RFX2: variants seen among roughly 807,000 people sequenced by gnomAD.
RFX2 encodes DNA-binding protein RFX2.
Under a neutral mutation model 87.8 loss-of-function variants are expected in RFX2, and 20 were observed. The ratio of observed to expected loss-of-function variants is 0.23; its 90% CI spans 0.16 to 0.33. The LOEUF is 0.33. RFX2 is among the 10% of genes least tolerant of loss of function. RFX2 has a pLI of 1.00. For synonymous variants in RFX2, 397 were observed against 431.3 expected (o/e 0.92, Z 0.98); for missense variants, 767 against 1,012.3 (o/e 0.76, Z 3.29).
chr19:6,098,965 CAAAAAAAAAAAAAAAAA>C (rs34110529), intron 1 of RFX2, among the ~76,000 whole-genome samples: 12 of 52,800 alleles, frequency 2.3e-4, no homozygotes, highest in African/African-American at 5.2e-4. Context: ...GCTTGAACCA[CAAAAAAAAAAAAAAAAA>C]AAAAAAAAAA....
chr19:6,041,855 C>T (rs1014994877), intron 4 of RFX2, among the ~76,000 whole-genome samples, 189 bp downstream of exon 4: 2 of 152,116 alleles, frequency 1.3e-5, no homozygotes, highest in Non-Finnish European at 2.9e-5. Flanking sequence ...AGGCACTTGT[C>T]ACCATGTCTG....
rs58546514 is a variant in RFX2 at position 6,012,771 on chromosome 19, A to T, written c.899+215T>A. Among the ~76,000 whole-genome samples the T allele has an allele frequency of 0.036, 5,506 of 152,232 alleles. 245 individuals carry two copies. The highest frequency in any genetic ancestry group is 0.11 in the African/African-American group (4,393 of 41,496). ...GTTAAAAACAGTTTTAAACGGTTTT[A>T]AAAAAAGTCTGAAAAGTTAGCTGGA... On this transcript the variant is annotated intron_variant, in intron 8 of 17. Transcript: ENST00000303657. This position sits in a 1 kb window ranked among gnomAD's most constrained non-coding sequence, Gnocchi z 4.6.
At chr19:6,032,183 G>A (rs1001591777) in intron 5 of RFX2, among the ~76,000 whole-genome samples, 1 of 151,972 alleles carries the variant, frequency 6.6e-6, no homozygotes, top group Non-Finnish European at 1.5e-5. Flanking sequence ...GTGCAGTGGC[G>A]CGATCTCGGC....
chr19:6,051,062 C>T (rs1022513573), intron 1 of RFX2, among the ~76,000 whole-genome samples: 1 of 152,058 alleles, frequency 6.6e-6, no homozygotes, highest in African/African-American at 2.4e-5. Flanking sequence ...TTCTTAAAAA[C>T]TGAAGGTGGA....
Position 6,020,356 on chromosome 19 carries a change from T to C in RFX2, c.598-4085A>G, listed in dbSNP as rs1345670505. On this transcript the variant is annotated intron_variant, in intron 6 of 17. Coordinates refer to ENST00000303657, the MANE Select transcript of RFX2 (RefSeq NM_000635.4). The surrounding 1 kb of genome is among the most constrained non-coding windows in gnomAD (Gnocchi z 5.3). ...TTGACACTAAAAGGATGCATAGTTG[T>C]CTTGACAGCAAGTCCTTCTTGCTCA... is the stretch of plus-strand genomic sequence containing the variant. 1 of 152,236 alleles carries C rather than the reference T, an allele frequency of 6.6e-6. No individual in the cohort carries two copies. Among genetic ancestry groups the C allele is most frequent in the Non-Finnish European group, 1.5e-5 (1 of 68,044 alleles). The allele number at this position is 152,236 out of a possible 1,614,324, so 9.4% of individuals were successfully genotyped here. A position where few individuals can be genotyped will look rare whatever the true frequency, so the allele number is the denominator to read the frequency against.
chr19:6,100,364 G>C (rs937228767), intron 1 of RFX2, among the ~76,000 whole-genome samples: 1 of 152,192 alleles, frequency 6.6e-6, no homozygotes, highest in Non-Finnish European at 1.5e-5. Context: ...ATAGCTCAAA[G>C]AGACATGACA....
At position 6,002,955 on chromosome 19, in the gene RFX2, G is replaced by A; in HGVS notation, c.1501-85C>T. On this transcript the variant is annotated intron_variant, in intron 13 of 17. Transcript: ENST00000303657. The surrounding 1 kb of genome is among the most constrained non-coding windows in gnomAD (Gnocchi z 6.7). The stretch of plus-strand genomic sequence containing the variant: ...CCTTGCAGGGGTGTGTGGGCTCAGG[G>A]ACAACACAGGGAGGAGGGAGCAGGA... 6.9e-7 allele frequency: 1 copy of A among 1,459,636 alleles called. No individual in the cohort carries two copies. Among genetic ancestry groups the A allele is most frequent in the Non-Finnish European group, 9.2e-7 (1 of 1,083,410 alleles). 90.4% of individuals were successfully genotyped at this position (1,459,636 alleles called of 1,614,324 possible). A position where few individuals can be genotyped will look rare whatever the true frequency, so the allele number is the denominator to read the frequency against.
At position 6,013,518 on chromosome 19, in the gene RFX2, G is replaced by C. The variant is rs1459059216; in HGVS notation, c.780-413C>G. Among the ~76,000 whole-genome samples, 1 of 149,126 alleles carries C rather than the reference G, an allele frequency of 6.7e-6. No homozygotes were observed. Among genetic ancestry groups the C allele is most frequent in the Non-Finnish European group, 1.5e-5 (1 of 67,372 alleles). On this transcript the variant is annotated intron_variant, in intron 7 of 17. Transcript: ENST00000303657. This position sits in a 1 kb window ranked among gnomAD's most constrained non-coding sequence, Gnocchi z 4.1. ...TCTTTTTTTTTTTTTTCAGAAACAG[G>C]GTCTCACTCTGTCACCCAGGCTGGA...
intron 1 of RFX2, chr19:6,077,057 ACTC>A (rs2144849030): frequency 6.6e-6 from 1 of 152,194 alleles, no homozygotes; most frequent in African/African-American, 2.4e-5. Context: ...TACACACAGA[ACTC>A]CTCCTACCAC....
intron 1 of RFX2, among the ~76,000 whole-genome samples, chr19:6,088,211 C>CT (rs1030226963): frequency 0.064 from 5,402 of 84,166 alleles, 286 homozygotes; most frequent in African/African-American, 0.11. Context: ...GGCACTACAG[C>CT]TTTTTTTTTT....
chr19:6,043,868 C>T (rs2087147653), intron 3 of RFX2, among the ~76,000 whole-genome samples: 2 of 152,206 alleles, frequency 1.3e-5, no homozygotes, highest in South Asian at 4.1e-4. Flanking sequence ...CAGATGGTTC[C>T]TCCAGTCCAG....
At position 6,027,290 on chromosome 19, in the gene RFX2, T is replaced by A. The variant is rs2086902713; in HGVS notation, c.523-1053A>T. On this transcript the variant is annotated intron_variant, in intron 5 of 17. Transcript: ENST00000303657. This position sits in a 1 kb window ranked among gnomAD's most constrained non-coding sequence, Gnocchi z 5.0. The stretch of plus-strand genomic sequence containing the variant: ...CCGACCACGGTGGTTCTGCCTTCTC[T>A]CATTAGCTACCCTTGCTTCAAGCCA... The A allele has an allele frequency of 1.3e-5, 2 of 152,208 alleles. No homozygotes were observed. Among genetic ancestry groups the A allele is most frequent in the African/African-American group, 4.8e-5 (2 of 41,442 alleles). 9.4% of individuals were successfully genotyped at this position (152,208 alleles called of 1,614,324 possible).
At chr19:6,025,179 G>A (rs1048622150) in intron 6 of RFX2, among the ~76,000 whole-genome samples, 5 of 152,142 alleles carry the variant, frequency 3.3e-5, no homozygotes, top group Non-Finnish European at 7.4e-5. Flanking sequence ...AAGTGAAAGC[G>A]ATGAGTCTGA....
In RFX2 at chr19:6,039,782, G is replaced by A. The variant is rs2087077536; in HGVS notation, c.522+198C>T. ...CTCTTTATACCAATGGCCAACTGAAGTTCAAAGAACTCTGCAGGCCTGCCT... is the reference window on the plus strand; with the variant it reads ...CTCTTTATACCAATGGCCAACTGAAATTCAAAGAACTCTGCAGGCCTGCCT... On this transcript the variant is annotated intron_variant, in intron 5 of 17. Coordinates refer to ENST00000303657, the MANE Select transcript of RFX2 (RefSeq NM_000635.4). This position sits in a 1 kb window ranked among gnomAD's most constrained non-coding sequence, Gnocchi z 5.2. 1.3e-5 allele frequency among the ~76,000 whole-genome samples: 2 copies of A among 152,162 alleles called. No homozygotes were observed. Among genetic ancestry groups the A allele is most frequent in the Non-Finnish European group, 2.9e-5 (2 of 68,046 alleles).
At chr19:6,102,199 C>T (rs138004509) in intron 1 of RFX2, among the ~76,000 whole-genome samples, 130 of 152,346 alleles carry the variant, frequency 8.5e-4, no homozygotes, top group Non-Finnish European at 1.5e-3. Context: ...AGATCCACAT[C>T]CTCTTTTCAG....
rs1599841494 is a variant in RFX2 at position 6,004,093 on chromosome 19, C to T, written c.1500+108G>A. ...CTGAAGGGATCGGTTACTCTCATGACGCAGGGAAGAAGCCAGCGCTCTCTG... is the reference window on the plus strand; with the variant it reads ...CTGAAGGGATCGGTTACTCTCATGATGCAGGGAAGAAGCCAGCGCTCTCTG... On this transcript the variant is annotated intron_variant, in intron 13 of 17. Coordinates refer to ENST00000303657, the MANE Select transcript of RFX2 (RefSeq NM_000635.4). This position sits in a 1 kb window ranked among gnomAD's most constrained non-coding sequence, Gnocchi z 4.8. 3 of 852,248 alleles carry T rather than the reference C, an allele frequency of 3.5e-6. No homozygotes were observed. The highest frequency in any genetic ancestry group is 1.4e-5 in the South Asian group (1 of 72,654). The allele number at this position is 852,248 out of a possible 1,614,324, so 52.8% of individuals were successfully genotyped here.
chr19:6,048,596 G>A (rs1390870195), intron 1 of RFX2, among the ~76,000 whole-genome samples: 1 of 152,156 alleles, frequency 6.6e-6, no homozygotes, highest in Non-Finnish European at 1.5e-5. Flanking sequence ...TGGGGGTGGT[G>A]AGGACTGAAC....
At chr19:5,996,343 A>G (rs2086412032) in intron 16 of RFX2, among the ~76,000 whole-genome samples, 1 of 41,698 alleles carries the variant, frequency 2.4e-5, no homozygotes, top group African/African-American at 1.2e-4. Context: ...ACGAGCGGTC[A>G]GCACAGCGCG....
chr19:5,997,257 G>A lies in RFX2; in HGVS notation c.1860-44C>T, dbSNP rs202100959. On this transcript the variant is annotated intron_variant, in intron 15 of 17. Transcript: ENST00000303657. This position sits in a 1 kb window ranked among gnomAD's most constrained non-coding sequence, Gnocchi z 4.2. The stretch of plus-strand genomic sequence containing the variant: ...AGGCTGGGGACCCTCAGGGGAGCAT[G>A]GAACCCGGGCCCCAGGCCAGACTTC... 482 of 1,569,904 alleles carry A rather than the reference G, an allele frequency of 3.1e-4. 1 individual carries two copies. The African/African-American group carries it at 5.9e-3, about 19-fold the overall frequency.
Sources: gnomAD v4.1 joint callset for allele counts (sites outside exome capture counted in the v4.1 genomes callset) on GRCh38, gnomAD v4.1.1 for gene constraint, Gnocchi (gnomAD v3.1) non-coding constraint, MANE v1.5 for transcripts, NCBI Gene and HGNC (gene_info 2026-07-23, HGNC 2026-07-21) for gene names.